The following CDH22 variants were observed in gnomAD, a reference collection of about 807,000 sequenced individuals.
CDH22 encodes cadherin 22.
CDH22 carries 30 observed loss-of-function variants against 58.4 expected under a neutral mutation model. That is an observed-to-expected ratio of 0.51 (90% CI 0.38 to 0.70). The LOEUF is 0.70. Ranked by LOEUF, CDH22 falls within the 30% of genes least tolerant of loss-of-function variation. The pLI is 0.00. For synonymous variants in CDH22, 513 were observed against 558.2 expected (o/e 0.92, Z 1.14); for missense variants, 1,014 against 1,233.9 (o/e 0.82, Z 2.67).
At chr20:46,242,405 C>T (rs1235079675) in intron 2 of CDH22, among the ~76,000 whole-genome samples, 1 of 152,238 alleles carries the variant, frequency 6.6e-6, no homozygotes, top group Non-Finnish European at 1.5e-5. Flanking sequence ...TGTGCATCCT[C>T]ACCCATCACT....
intron 8 of CDH22, among the ~76,000 whole-genome samples, chr20:46,194,722 G>A (rs894360476): frequency 3.2e-4 from 49 of 152,200 alleles, no homozygotes; most frequent in African/African-American, 1.1e-3. Flanking sequence ...GTAAATAGAA[G>A]CTGCTATTAT....
At chr20:46,274,251 T>A (rs1258990691) in intron 1 of CDH22, among the ~76,000 whole-genome samples, 1 of 152,034 alleles carries the variant, frequency 6.6e-6, no homozygotes, top group Non-Finnish European at 1.5e-5. Flanking sequence ...GGGGTAGGGA[T>A]ATGACAGGGC....
chr20:46,263,342 T>C (rs577996521), intron 1 of CDH22, among the ~76,000 whole-genome samples: 1 of 152,242 alleles, frequency 6.6e-6, no homozygotes, highest in South Asian at 2.1e-4. Flanking sequence ...ACCTACTATG[T>C]GCCAGGCTAA....
intron 8 of CDH22, among the ~76,000 whole-genome samples, chr20:46,193,629 A>G (rs2145662767): frequency 6.6e-6 from 1 of 152,214 alleles, no homozygotes; most frequent in South Asian, 2.1e-4. Flanking sequence ...GTACAGGCCC[A>G]GTGAGCTTCT....
chr20:46,212,991 G>T lies in CDH22; in HGVS notation c.1032+4C>A, dbSNP rs2086055002. On this transcript the variant is annotated splice_donor_region_variant and intron_variant, in intron 6 of 11. Coordinates refer to ENST00000537909, the MANE Select transcript of CDH22 (RefSeq NM_021248.3). The stretch of plus-strand genomic sequence containing the variant: ...CTCCCCCATTCCTCCTGAGGCAGCT[G>T]CACCTTCTGCACTACGATGATGGCC... 1 of 1,613,248 alleles carries T rather than the reference G, an allele frequency of 6.2e-7. No homozygotes were observed. Among genetic ancestry groups the T allele is most frequent in the Non-Finnish European group, 8.5e-7 (1 of 1,179,292 alleles).
chr20:46,306,448 G>A (rs1381766569), intron 1 of CDH22, among the ~76,000 whole-genome samples: 1 of 152,268 alleles, frequency 6.6e-6, no homozygotes, highest in Non-Finnish European at 1.5e-5. Context: ...CACCCAAGAG[G>A]TACAGGTGCC....
At position 46,197,994 on chromosome 20, in the gene CDH22, C is replaced by T. The variant is rs572242434; in HGVS notation, c.1423+1429G>A. Among the ~76,000 whole-genome samples, 102 of 152,198 alleles carry T rather than the reference C, an allele frequency of 6.7e-4. 1 individual carries two copies. Among genetic ancestry groups the T allele is most frequent in the African/African-American group, 2.1e-3 (89 of 41,516 alleles). ...GAGGCGAGTTTGAATGTTGCCTACCCGCCTGCAGCTCAGAGACTCAACCAT... is the reference window on the plus strand; with the variant it reads ...GAGGCGAGTTTGAATGTTGCCTACCTGCCTGCAGCTCAGAGACTCAACCAT... On this transcript the variant is annotated intron_variant, in intron 8 of 11. Coordinates refer to ENST00000537909, the MANE Select transcript of CDH22 (RefSeq NM_021248.3).
At position 46,174,883 on chromosome 20, in the gene CDH22, C is replaced by A; in HGVS notation, c.2110G>T (p.Gly704Cys). The change falls in exon 12 of 12, where the codon GGC (glycine) becomes TGC (cysteine). Residue 704 changes from glycine (G) to cysteine (C), a missense_variant. By Grantham distance (159) the Gly-to-Cys change is radical. This residue lies in a region of CDH22 where 208 missense variants were observed against 195.2 expected (regional missense o/e 1.07). Transcript: ENST00000537909. The surrounding 1 kb of genome is among the most constrained non-coding windows in gnomAD (Gnocchi z 4.4). ...FGELKGGDGG[G>C]SAGGGAGGGS... ...CCGCCCGCTCCCCCGCCCGCGCTGC[C>A]GCCCCCGTCGCCGCCCTTGAGCTCG... 2 of 1,394,600 alleles carry A rather than the reference C, an allele frequency of 1.4e-6. No individual in the cohort carries two copies. Among genetic ancestry groups the A allele is most frequent in the Non-Finnish European group, 1.9e-6 (2 of 1,070,592 alleles). The allele number at this position is 1,394,600 out of a possible 1,614,324, so 86.4% of individuals were successfully genotyped here.
At chr20:46,177,173 G>T (rs952899653) in intron 11 of CDH22, among the ~76,000 whole-genome samples, 4 of 152,202 alleles carry the variant, frequency 2.6e-5, no homozygotes, top group African/African-American at 9.7e-5. Context: ...GGGGGAGGCA[G>T]CTGACATCTC....
chr20:46,288,438 C>A (rs1180878385), intron 1 of CDH22, among the ~76,000 whole-genome samples: 1 of 152,258 alleles, frequency 6.6e-6, no homozygotes, highest in African/African-American at 2.4e-5. Context: ...ACATGTAACC[C>A]CGCAGCTTGA....
chr20:46,244,754 G>A (rs1421697335), intron 2 of CDH22, among the ~76,000 whole-genome samples: 1 of 152,196 alleles, frequency 6.6e-6, no homozygotes, highest in Admixed American at 6.5e-5. Flanking sequence ...GGGTTACTGG[G>A]TGGCCACTGG....
At chr20:46,256,012 C>T (rs2086405049) in intron 1 of CDH22, among the ~76,000 whole-genome samples, 1 of 152,224 alleles carries the variant, frequency 6.6e-6, no homozygotes, top group Admixed American at 6.5e-5. Flanking sequence ...AGCCTCACCT[C>T]CTATAATCTG....
At chr20:46,188,031 C>T (rs1333826655) in intron 8 of CDH22, among the ~76,000 whole-genome samples, 3 of 152,134 alleles carry the variant, frequency 2.0e-5, no homozygotes, top group South Asian at 2.1e-4. Context: ...CAAGTTGGGA[C>T]GTCTTTAAGA....
At position 46,174,585 on chromosome 20, in the gene CDH22, C is replaced by T. The variant is rs2085721346; in HGVS notation, c.2408G>A (p.Ser803Asn). The T allele has an allele frequency of 6.5e-7, 1 of 1,533,072 alleles. No individual in the cohort carries two copies. Among genetic ancestry groups the T allele is most frequent in the Non-Finnish European group, 8.7e-7 (1 of 1,144,786 alleles). The allele number at this position is 1,533,072 out of a possible 1,614,324, so 95.0% of individuals were successfully genotyped here. ...GGGCCGGAAGCGCGGACCCCAGCTG[C>T]TGAGATAGGCGAAGTCCTGCTCGGA... ...SGSEQDFAYL[S>N]SWGPRFRPLA... Residue 803 changes from serine to asparagine, a missense_variant, in exon 12 of 12, where the codon AGC becomes AAC. Ser to Asn is a conservative substitution (Grantham distance 46, BLOSUM62 1). Transcript: ENST00000537909. This position sits in a 1 kb window ranked among gnomAD's most constrained non-coding sequence, Gnocchi z 4.4.
intron 8 of CDH22, among the ~76,000 whole-genome samples, chr20:46,188,287 G>T (rs1249521396): frequency 6.6e-6 from 1 of 152,158 alleles, no homozygotes; most frequent in Non-Finnish European, 1.5e-5. Context: ...TATGAGCAGT[G>T]CTGGGTAGTT....
In CDH22 at chr20:46,186,632, G is replaced by A. The variant is rs756873216; in HGVS notation, c.1619C>T (p.Pro540Leu). 6.2e-7 allele frequency: 1 copy of A among 1,613,160 alleles called. No individual in the cohort carries two copies. Among genetic ancestry groups the A allele is most frequent in the Non-Finnish European group, 8.5e-7 (1 of 1,179,992 alleles). The stretch of plus-strand genomic sequence containing the variant: ...GAAATGAGGGTTGCTGGGAGCTTCA[G>A]GCACCAGGCGGAAATAGAAGCGGTG... ...GGHRFYFRLV[P>L]EAPSNPHFSL... Residue 540 changes from proline (P) to leucine (L), a missense_variant, in exon 10 of 12, where the codon CCT (proline) becomes CTT (leucine). Around this residue, in one of 2 missense-constraint regions of CDH22, gnomAD observed 806 missense variants for 1,038.7 expected, o/e 0.78. Transcript: ENST00000537909.
chr20:46,178,316 A>T (rs973539832), intron 10 of CDH22, 119 bp from the exon 11 acceptor site: 1 of 1,120,362 alleles, frequency 8.9e-7, no homozygotes, highest in Non-Finnish European at 1.3e-6. Flanking sequence ...ACAGCCTCCC[A>T]ATGGACTCAT....
chr20:46,181,755 CTTT>C (rs1291383985), intron 10 of CDH22, among the ~76,000 whole-genome samples: 116 of 109,656 alleles, frequency 1.1e-3, no homozygotes, highest in African/African-American at 3.5e-3. Context: ...TTCCTTCCTT[CTTT>C]CTTTCTTTCT....
chr20:46,184,013 C>A (rs1482659155), intron 10 of CDH22, among the ~76,000 whole-genome samples: 3 of 152,174 alleles, frequency 2.0e-5, no homozygotes, highest in Admixed American at 2.0e-4. Context: ...TCCTTTAGGT[C>A]CCTTCTCACT....
Sources: gnomAD v4.1 joint callset for allele counts (sites outside exome capture counted in the v4.1 genomes callset) on GRCh38, gnomAD v4.1.1 for gene constraint, gnomAD v4.1.1 regional missense constraint, Gnocchi (gnomAD v3.1) non-coding constraint, MANE v1.5 for transcripts, NCBI Gene and HGNC (gene_info 2026-07-23, HGNC 2026-07-21) for gene names.